Variants in ACSL4 observed in about 807,000 individuals in gnomAD.
ACSL4 encodes acyl-CoA synthetase long chain family member 4, also known as long-chain-fatty-acid--CoA ligase 4.
In ACSL4, 9 loss-of-function variants were observed where a neutral mutation model predicts 49.1. The observed-to-expected ratio is 0.18, with a 90% confidence interval of 0.11 to 0.32. The LOEUF (loss-of-function observed/expected upper bound fraction) is 0.32, where lower values mean the gene tolerates loss of function less well. ACSL4 is among the 10% of genes least tolerant of loss of function. The probability of loss-of-function intolerance (pLI) is 1.00; values close to 1 mark genes in which losing one functional copy is unlikely to be tolerated. For missense variants in ACSL4, 333 were observed against 493.7 expected (o/e 0.67, Z 3.08); for synonymous variants, 191 against 170.3 (o/e 1.12, Z -0.95).
intron 1 of ACSL4, among the ~76,000 whole-genome samples, chrX:109,712,817 T>C (rs568309079): frequency 7.3e-5 from 8 of 110,122 alleles, no homozygotes; most frequent in Middle Eastern, 4.6e-3. Flanking sequence ...TGTACAAAAA[T>C]TTGCAGGCCG....
chrX:109,694,095 C>G (rs926082888), intron 2 of ACSL4, among the ~76,000 whole-genome samples: 5 of 111,988 alleles, frequency 4.5e-5, no homozygotes, highest in African/African-American at 6.5e-5. Flanking sequence ...CGTGTAACAC[C>G]TAAGTAGCTG....
At chrX:109,663,054 G>T (rs1381845026) in intron 13 of ACSL4, among the ~76,000 whole-genome samples, 157 bp downstream of exon 13, 2 of 111,675 alleles carry the variant, frequency 1.8e-5, no homozygotes, top group Non-Finnish European at 3.8e-5. Context: ...TATTGTCCTT[G>T]TTTTGCTGAT....
chrX:109,667,843 G>C (rs1449403738), intron 11 of ACSL4, among the ~76,000 whole-genome samples: 11 of 108,859 alleles, frequency 1.0e-4, no homozygotes, highest in African/African-American at 3.4e-4. Context: ...AGTGAGCTGA[G>C]ATTATGCTAT....
chrX:109,647,706 A>T (rs1466015886), intron 15 of ACSL4, among the ~76,000 whole-genome samples: 1 of 111,723 alleles, frequency 9.0e-6, no homozygotes, highest in Non-Finnish European at 1.9e-5. Context: ...AGACACAAAA[A>T]ACCCTTCAAA....
At chrX:109,669,951 C>A (rs890145002) in intron 9 of ACSL4, among the ~76,000 whole-genome samples, 3 of 111,198 alleles carry the variant, frequency 2.7e-5, no homozygotes, top group Non-Finnish European at 5.7e-5. Flanking sequence ...TACATTTTAA[C>A]GGAAGCAAAG....
chrX:109,719,884 T>C (rs908328860), intron 1 of ACSL4, among the ~76,000 whole-genome samples: 2 of 111,050 alleles, frequency 1.8e-5, no homozygotes, highest in African/African-American at 6.6e-5. Flanking sequence ...TCCCAGCTAC[T>C]AAGGAGGCTG....
intron 1 of ACSL4, among the ~76,000 whole-genome samples, chrX:109,712,825 C>A (rs1926846648): frequency 9.0e-6 from 1 of 110,808 alleles, no homozygotes; most frequent in Non-Finnish European, 1.9e-5. Context: ...AATTTGCAGG[C>A]CGTGGTGGCA....
chrX:109,653,446 C>T (rs777256912), intron 15 of ACSL4, among the ~76,000 whole-genome samples: 1 of 111,546 alleles, frequency 9.0e-6, no homozygotes, highest in South Asian at 3.7e-4. Flanking sequence ...CCAGCCATCC[C>T]ATTACTGGGT....
At chrX:109,711,877 A>T (rs1430612822) in intron 1 of ACSL4, among the ~76,000 whole-genome samples, 1 of 111,634 alleles carries the variant, frequency 9.0e-6, no homozygotes, top group Non-Finnish European at 1.9e-5. Flanking sequence ...TAACTACTGT[A>T]ATACCTGGGG....
intron 15 of ACSL4, among the ~76,000 whole-genome samples, chrX:109,652,850 T>C (rs1041908885): frequency 9.0e-6 from 1 of 111,431 alleles, no homozygotes; most frequent in African/African-American, 3.3e-5. Context: ...GTCACACTGT[T>C]TTTATAGGTA....
At chrX:109,707,752 T>C (rs1163023726) in intron 1 of ACSL4, among the ~76,000 whole-genome samples, 1 of 111,430 alleles carries the variant, frequency 9.0e-6, no homozygotes, top group Non-Finnish European at 1.9e-5. Context: ...ATTGGTAAAA[T>C]AATGTATCCA....
Position 109,659,504 on chromosome X carries a change from A to T in ACSL4, c.1705T>A (p.Ser569Thr). The T allele has an allele frequency of 1.7e-6, 2 of 1,188,929 alleles. No homozygotes were observed. Among genetic ancestry groups the T allele is most frequent in the Non-Finnish European group, 2.3e-6 (2 of 876,441 alleles). The part of the protein sequence containing the change: ...NICAFAKSDQ[S>T]YVISFVVPNQ... ...GGAACCACAAAACTGATCACATAGGACTGATCACTAAAAAAACAGAAAATA... is the reference window on the plus strand; with the variant it reads ...GGAACCACAAAACTGATCACATAGGTCTGATCACTAAAAAAACAGAAAATA... Residue 569 changes from serine to threonine, a missense_variant, in exon 15 of 16, where the codon TCC becomes ACC. By Grantham distance (58) the Ser-to-Thr change is moderately conservative. This residue lies in a region of ACSL4 where 175 missense variants were observed against 275.8 expected (regional missense o/e 0.63). Transcript: ENST00000672401.
intron 1 of ACSL4, among the ~76,000 whole-genome samples, chrX:109,725,466 T>C (rs985040133): frequency 1.8e-5 from 2 of 111,513 alleles, no homozygotes; most frequent in African/African-American, 6.5e-5. Context: ...AATGTGAGTA[T>C]AAAACCCTTT....
chrX:109,653,325 G>A (rs1055504144), intron 15 of ACSL4, among the ~76,000 whole-genome samples: 7 of 111,595 alleles, frequency 6.3e-5, no homozygotes, highest in African/African-American at 2.3e-4. Flanking sequence ...AGAGGATGTG[G>A]AGAAATAGGA....
chrX:109,644,866 G>A (rs909334164), intron 15 of ACSL4, among the ~76,000 whole-genome samples: 4 of 113,286 alleles, frequency 3.5e-5, no homozygotes, highest in South Asian at 3.6e-4. Context: ...TGCCTCACTC[G>A]GGAAGCACAA....
chrX:109,694,182 CA>C (rs1397714849), intron 2 of ACSL4, among the ~76,000 whole-genome samples: 1 of 112,301 alleles, frequency 8.9e-6, no homozygotes, highest in Admixed American at 9.4e-5. Context: ...GCAGGCTAAT[CA>C]GTGGACTTCA....
At chrX:109,662,028 G>C (rs1235449250) in intron 13 of ACSL4, among the ~76,000 whole-genome samples, 1 of 110,936 alleles carries the variant, frequency 9.0e-6, no homozygotes, top group Admixed American at 9.6e-5. Flanking sequence ...AGTGATCCTC[G>C]GCATGTCAGT....
At chrX:109,668,965 C>T in intron 10 of ACSL4, 69 bp downstream of exon 10, 2 of 935,069 alleles carry the variant, frequency 2.1e-6, no homozygotes, top group Non-Finnish European at 3.0e-6. Context: ...TTTATTTATT[C>T]ATCTTCTGGA....
chrX:109,720,818 C>T (rs1927487477), intron 1 of ACSL4, among the ~76,000 whole-genome samples: 1 of 112,066 alleles, frequency 8.9e-6, no homozygotes. Context: ...TGCTTGCTGA[C>T]ACTTTCTGAA....
Sources: allele counts gnomAD v4.1 joint callset (sites outside exome capture counted in the v4.1 genomes callset), GRCh38; gene constraint gnomAD v4.1.1; regional missense constraint gnomAD v4.1.1; transcripts MANE v1.5; gene names NCBI Gene and HGNC (gene_info 2026-07-23, HGNC 2026-07-21).